DOCK4: variants seen among roughly 807,000 people sequenced by gnomAD.
DOCK4 encodes the protein dedicator of cytokinesis protein 4.
In DOCK4, 97 loss-of-function variants were observed where a neutral mutation model predicts 268.1. The observed-to-expected ratio is 0.36, with a 90% CI of 0.31 to 0.43. The LOEUF is 0.43. DOCK4 is among the 20% of genes least tolerant of loss of function. The probability of loss-of-function intolerance (pLI) is 1.00; values close to 1 mark genes in which losing one functional copy is unlikely to be tolerated. For missense variants in DOCK4, 2,145 were observed against 2,455.7 expected (o/e 0.87, Z 2.67); for synonymous variants, 954 against 887.2 (o/e 1.08, Z -1.34).
At chr7:111,768,917 A>G (rs1177408052) in intron 37 of DOCK4, among the ~76,000 whole-genome samples, 2 of 152,074 alleles carry the variant, frequency 1.3e-5, no homozygotes, top group East Asian at 1.9e-4. Flanking sequence ...GGGTAATGGT[A>G]TTAGGAAATG....
chr7:111,747,817 A>C (rs1289970057), intron 42 of DOCK4, among the ~76,000 whole-genome samples: 1 of 151,964 alleles, frequency 6.6e-6, no homozygotes, highest in Non-Finnish European at 1.5e-5. Flanking sequence ...CCCCTTTCTC[A>C]TGCTTATTTG....
At chr7:112,013,627 GTCT>G (rs1221463016) in intron 1 of DOCK4, among the ~76,000 whole-genome samples, 1 of 152,120 alleles carries the variant, frequency 6.6e-6, no homozygotes, top group Non-Finnish European at 1.5e-5. Flanking sequence ...CCCTTAACAG[GTCT>G]TCTTCAAAAC....
intron 1 of DOCK4, among the ~76,000 whole-genome samples, chr7:112,039,023 G>A (rs779467724): frequency 6.6e-6 from 1 of 152,162 alleles, no homozygotes; most frequent in Non-Finnish European, 1.5e-5. Flanking sequence ...TTTTTTCACA[G>A]TACAAAGTGA....
At chr7:112,034,717 T>C (rs1158899544) in intron 1 of DOCK4, among the ~76,000 whole-genome samples, 3 of 152,172 alleles carry the variant, frequency 2.0e-5, no homozygotes, top group African/African-American at 7.2e-5. Flanking sequence ...CTGGGCATCA[T>C]GGTGAAACCC....
intron 1 of DOCK4, among the ~76,000 whole-genome samples, chr7:112,129,882 G>T (rs1221063649): frequency 6.6e-6 from 1 of 151,978 alleles, no homozygotes. Context: ...AACTCAAAAT[G>T]CAATCCTCTG....
At chr7:111,741,053 A>G (rs1554577980) in intron 47 of DOCK4, 41 bp downstream of exon 47, 1 of 1,609,636 alleles carries the variant, frequency 6.2e-7, no homozygotes, top group Non-Finnish European at 8.5e-7. Context: ...ATTGAGACAG[A>G]AAAGGAATAA....
rs752152152 is a variant in DOCK4, at chr7:111,971,620, G to T, written c.701+5512C>A. On this transcript the variant is annotated intron_variant, in intron 8 of 52. Transcript: ENST00000428084. The stretch of plus-strand genomic sequence containing the variant: ...GTTAATCCTGCTCAAAGAACAGGTA[G>T]TCTCTTAGTGGACACATCCCCTTTG... The T allele has an allele frequency of 9.8e-5, 21 of 214,274 alleles. 1 individual carries two copies. The highest frequency in any genetic ancestry group is 2.8e-4 in the South Asian group (4 of 14,496). 13.3% of individuals were successfully genotyped at this position (214,274 alleles called of 1,614,324 possible). A position where few individuals can be genotyped will look rare whatever the true frequency, so the allele number is the denominator to read the frequency against.
intron 42 of DOCK4, among the ~76,000 whole-genome samples, chr7:111,752,334 G>A (rs1461281424): frequency 6.6e-6 from 1 of 152,004 alleles, no homozygotes; most frequent in Non-Finnish European, 1.5e-5. Flanking sequence ...CAGGGATAAG[G>A]GGGAAAGCAA....
intron 1 of DOCK4, among the ~76,000 whole-genome samples, chr7:112,075,847 G>A (rs1476887976): frequency 1.3e-5 from 2 of 151,624 alleles, no homozygotes; most frequent in Admixed American, 1.3e-4. Flanking sequence ...CAAAAGAAGT[G>A]TTGACATAAT....
chr7:111,732,073 T>C (rs2133370466), intron 52 of DOCK4, among the ~76,000 whole-genome samples, 153 bp downstream of exon 52: 1 of 152,352 alleles, frequency 6.6e-6, no homozygotes, highest in Middle Eastern at 3.4e-3. Flanking sequence ...AAGTCCAGTG[T>C]TGTTTTTCTC....
chr7:111,933,461 AT>A (rs1468682494), intron 12 of DOCK4, among the ~76,000 whole-genome samples: 2 of 151,044 alleles, frequency 1.3e-5, no homozygotes, highest in Non-Finnish European at 3.0e-5. Context: ...GGCCCAGCTA[AT>A]TTTTTGTATT....
chr7:111,779,552 C>G (rs1798664686), intron 35 of DOCK4, among the ~76,000 whole-genome samples: 1 of 152,138 alleles, frequency 6.6e-6, no homozygotes, highest in African/African-American at 2.4e-5. Flanking sequence ...TGTGCATCAC[C>G]ACACCCAGCT....
At chr7:112,183,784 T>C (rs1034909910) in intron 1 of DOCK4, among the ~76,000 whole-genome samples, 13 of 152,214 alleles carry the variant, frequency 8.5e-5, no homozygotes, top group African/African-American at 1.4e-4. Context: ...AGTATTTCGA[T>C]AGTGGTAACA....
rs149888096 is a variant in DOCK4 at position 111,852,462 on chromosome 7, T to C, written c.2474-5336A>G. ...AAACAGTAAGCCTCACCAGGGAACT[T>C]AAATACTTATTTACAAATCAATTAC... On this transcript the variant is annotated intron_variant, in intron 23 of 52. Transcript: ENST00000428084. Among the ~76,000 whole-genome samples the C allele has an allele frequency of 3.9e-3, 581 of 148,584 alleles. 6 individuals are homozygous for C. Among genetic ancestry groups the C allele is most frequent in the African/African-American group, 0.014 (561 of 40,018 alleles).
At chr7:111,848,668 T>C (rs1422188063) in intron 23 of DOCK4, among the ~76,000 whole-genome samples, 2 of 152,164 alleles carry the variant, frequency 1.3e-5, no homozygotes, top group African/African-American at 4.8e-5. Flanking sequence ...GCGGGGACTC[T>C]AAGGCCAATT....
chr7:112,123,735 C>T (rs938621500), intron 1 of DOCK4, among the ~76,000 whole-genome samples: 2 of 152,202 alleles, frequency 1.3e-5, no homozygotes, highest in African/African-American at 4.8e-5. Context: ...CTTGAACTAT[C>T]TTCTGTCACA....
intron 1 of DOCK4, among the ~76,000 whole-genome samples, chr7:112,146,475 T>C (rs1231372720): frequency 6.6e-6 from 1 of 152,204 alleles, no homozygotes; most frequent in African/African-American, 2.4e-5. Flanking sequence ...CTCATGCCTG[T>C]AATCCCAGCA....
intron 42 of DOCK4, among the ~76,000 whole-genome samples, chr7:111,752,360 A>G (rs1020487865): frequency 1.2e-4 from 19 of 152,120 alleles, no homozygotes; most frequent in African/African-American, 4.3e-4. Context: ...TTAGGAGGCT[A>G]CTGCAGTAAT....
intron 32 of DOCK4, among the ~76,000 whole-genome samples, chr7:111,786,996 T>C (rs1371169168): frequency 6.6e-6 from 1 of 152,158 alleles, no homozygotes; most frequent in African/African-American, 2.4e-5. Flanking sequence ...AAAATCTCTA[T>C]TGAATGAATC....
Sources: allele counts gnomAD v4.1 joint callset (sites outside exome capture counted in the v4.1 genomes callset), GRCh38; gene constraint gnomAD v4.1.1; transcripts MANE v1.5; gene names NCBI Gene and HGNC (gene_info 2026-07-23, HGNC 2026-07-21).